The following DAB1 variants were observed in gnomAD, a reference collection of about 807,000 sequenced individuals.
DAB1 encodes DAB adaptor protein 1.
In DAB1, 15 loss-of-function variants were observed where a neutral mutation model predicts 64.6. The observed-to-expected ratio is 0.23, with a 90% CI of 0.16 to 0.36. The LOEUF is 0.36. Ranked by LOEUF, DAB1 falls within the 10% of genes least tolerant of loss-of-function variation. The pLI is 1.00. For synonymous variants in DAB1, 235 were observed against 251.9 expected, an observed-to-expected ratio of 0.93 and a Z score of 0.64; for missense variants, 596 against 706.7, an observed-to-expected ratio of 0.84 and a Z score of 1.78.
chr1:57,319,290 C>T (rs1675484912), intron 1 of DAB1, among the ~76,000 whole-genome samples: 1 of 152,172 alleles, frequency 6.6e-6, no homozygotes, highest in Non-Finnish European at 1.5e-5. Flanking sequence ...CAAAAGGATG[C>T]ATTGGTACCA....
intron 4 of DAB1, among the ~76,000 whole-genome samples, chr1:57,089,699 C>A (rs1653462859): frequency 6.6e-6 from 1 of 152,136 alleles, no homozygotes; most frequent in East Asian, 1.9e-4. Context: ...CCCACCAGGC[C>A]CCACCTCCAA....
rs1196112147 is a variant in DAB1, at chr1:57,476,291, GA to G, written n.625+173300del. ...AGTATAGTCATGAATGGAAAATGGG[GA>G]AAAAATGTATATTTTATATTATCTG... On this transcript the variant is annotated intron_variant and non_coding_transcript_variant, in intron 7 of 20. Transcript: ENST00000485760. Among the ~76,000 whole-genome samples, 5 of 151,174 alleles carry G rather than the reference GA, an allele frequency of 3.3e-5. No homozygotes were observed. The South Asian group carries it at 6.3e-4, about 19-fold the overall frequency.
chr1:58,096,221 T>C (rs761831807), intron 5 of DAB1, among the ~76,000 whole-genome samples: 2 of 152,260 alleles, frequency 1.3e-5, no homozygotes, highest in African/African-American at 2.4e-5. Context: ...AATGTCACTT[T>C]GTGTGGTTGG....
intron 7 of DAB1, among the ~76,000 whole-genome samples, chr1:57,475,631 C>G (rs1053207823): frequency 2.0e-5 from 3 of 152,154 alleles, no homozygotes; most frequent in Non-Finnish European, 4.4e-5. Flanking sequence ...GATGAGAAAG[C>G]GGAGCTCCGA....
At chr1:58,343,060 C>A (rs1444571927) in intron 4 of DAB1, among the ~76,000 whole-genome samples, 5 of 152,178 alleles carry the variant, frequency 3.3e-5, no homozygotes, top group African/African-American at 1.2e-4. Flanking sequence ...TCCCTAGCTT[C>A]ATTCATCAGT....
At chr1:57,691,509 C>T (rs773309162) in intron 6 of DAB1, among the ~76,000 whole-genome samples, 7 of 152,110 alleles carry the variant, frequency 4.6e-5, no homozygotes, top group African/African-American at 7.2e-5. Context: ...TTCTTTCGCT[C>T]TTCACAATAA....
At chr1:58,041,442 T>G (rs1273914893) in intron 5 of DAB1, among the ~76,000 whole-genome samples, 1 of 152,176 alleles carries the variant, frequency 6.6e-6, no homozygotes, top group African/African-American at 2.4e-5. Flanking sequence ...CAGCGTGTAT[T>G]GTGTTTCAGG....
intron 6 of DAB1, among the ~76,000 whole-genome samples, chr1:57,773,361 A>ACACACG (rs897291281): frequency 1.3e-5 from 2 of 151,680 alleles, no homozygotes; most frequent in Non-Finnish European, 2.9e-5. Flanking sequence ...ACACACACAC[A>ACACACG]CACACACACA....
chr1:58,140,520 C>T (rs944737256), intron 5 of DAB1, among the ~76,000 whole-genome samples: 1 of 152,076 alleles, frequency 6.6e-6, no homozygotes, highest in African/African-American at 2.4e-5. Flanking sequence ...TTCCCTCTGA[C>T]CAGATGCTAC....
At chr1:58,339,307 A>G (rs1557735080) in intron 4 of DAB1, among the ~76,000 whole-genome samples, 1 of 152,182 alleles carries the variant, frequency 6.6e-6, no homozygotes, top group Non-Finnish European at 1.5e-5. Flanking sequence ...AACTTTCTCT[A>G]CATATCAAGC....
intron 3 of DAB1, among the ~76,000 whole-genome samples, chr1:58,495,101 G>A (rs1230065036): frequency 2.0e-5 from 3 of 152,158 alleles, no homozygotes; most frequent in Non-Finnish European, 4.4e-5. Flanking sequence ...AAAAAAGGAT[G>A]AGTTCATGTC....
At chr1:57,651,688 TGGAA>T (rs1646258252) in intron 6 of DAB1, among the ~76,000 whole-genome samples, 1 of 152,120 alleles carries the variant, frequency 6.6e-6, no homozygotes, top group Non-Finnish European at 1.5e-5. Context: ...ACAGAAAGCC[TGGAA>T]TTCAAAACAG....
chr1:58,134,663 AG>A (rs1653843106), intron 5 of DAB1, among the ~76,000 whole-genome samples: 1 of 152,238 alleles, frequency 6.6e-6, no homozygotes, highest in Admixed American at 6.5e-5. Flanking sequence ...GAGACAGTGA[AG>A]GGGACGGTGA....
chr1:58,285,787 A>T (rs1405859652), intron 4 of DAB1, among the ~76,000 whole-genome samples: 4 of 152,230 alleles, frequency 2.6e-5, no homozygotes. Flanking sequence ...ACTATCATTG[A>T]CATTCTTCAC....
intron 2 of DAB1, among the ~76,000 whole-genome samples, chr1:57,157,535 T>A (rs1214307247): frequency 6.6e-6 from 1 of 151,996 alleles, no homozygotes; most frequent in African/African-American, 2.4e-5. Flanking sequence ...TCTCACTGTG[T>A]GCTCAGAAGA....
intron 5 of DAB1, among the ~76,000 whole-genome samples, chr1:58,081,216 T>C (rs1649974397): frequency 6.6e-6 from 1 of 152,238 alleles, no homozygotes; most frequent in African/African-American, 2.4e-5. Context: ...TTCATTTTAC[T>C]TTACTGAGCT....
At chr1:57,969,024 C>A (rs894914324) in intron 5 of DAB1, among the ~76,000 whole-genome samples, 1 of 152,160 alleles carries the variant, frequency 6.6e-6, no homozygotes, top group Non-Finnish European at 1.5e-5. Flanking sequence ...CTTTCAGTAT[C>A]ATTCTTGTTT....
intron 7 of DAB1, among the ~76,000 whole-genome samples, chr1:57,606,731 G>T (rs1165942773): frequency 7.6e-6 from 1 of 130,748 alleles, no homozygotes; most frequent in East Asian, 2.1e-4. Flanking sequence ...ATATTTATAT[G>T]AAATATATAT....
intron 4 of DAB1, among the ~76,000 whole-genome samples, chr1:58,268,469 T>C (rs1014715330): frequency 6.6e-6 from 1 of 152,122 alleles, no homozygotes; most frequent in Non-Finnish European, 1.5e-5. Flanking sequence ...GGCAGAAACA[T>C]GAAGAAGGAA....
Sources: allele counts gnomAD v4.1 joint callset (sites outside exome capture counted in the v4.1 genomes callset), GRCh38; gene constraint gnomAD v4.1.1; transcripts MANE v1.5; gene names NCBI Gene and HGNC (gene_info 2026-07-23, HGNC 2026-07-21).